The following CCSER2 variants were observed in gnomAD, a reference collection of about 807,000 sequenced individuals.
The protein encoded by CCSER2 is serine-rich coiled-coil domain-containing protein 2.
CCSER2 carries 46 observed loss-of-function variants against 92.3 expected under a neutral mutation model. The ratio of observed to expected loss-of-function variants is 0.50; its 90% CI spans 0.39 to 0.64. CCSER2 has a LOEUF of 0.64. Among genes scored for constraint, CCSER2 ranks in the 30% least tolerant of loss-of-function variants. The pLI, the probability that CCSER2 is intolerant of heterozygous loss-of-function variation, is 0.00. For synonymous variants in CCSER2, 433 were observed against 431.4 expected (o/e 1.00, Z -0.04); for missense variants, 1,244 against 1,238.9 (o/e 1.00, Z -0.06).
At chr10:84,471,155 A>C (rs1028919202) in intron 8 of CCSER2, among the ~76,000 whole-genome samples, 14 of 152,232 alleles carry the variant, frequency 9.2e-5, no homozygotes, top group African/African-American at 3.4e-4. Context: ...AATCTCACTG[A>C]AAATATAAAG....
chr10:84,332,497 G>A (rs1415853604), intron 1 of CCSER2, among the ~76,000 whole-genome samples: 14 of 133,654 alleles, frequency 1.0e-4, no homozygotes, highest in Admixed American at 8.2e-4. Flanking sequence ...GGAGTGCAGC[G>A]GTGCCATCTC....
intron 3 of CCSER2, among the ~76,000 whole-genome samples, chr10:84,374,229 G>T (rs921774795): frequency 6.6e-6 from 1 of 152,114 alleles, no homozygotes; most frequent in Admixed American, 6.5e-5. Flanking sequence ...AGACCACAAT[G>T]AATTATCTAG....
At chr10:84,367,528 C>T (rs1233580340) in intron 1 of CCSER2, among the ~76,000 whole-genome samples, 2 of 151,994 alleles carry the variant, frequency 1.3e-5, no homozygotes, top group East Asian at 3.9e-4. Context: ...AGGTGTGTGC[C>T]ACCATGCCTG....
At chr10:84,367,605 C>G (rs1845844705) in intron 1 of CCSER2, among the ~76,000 whole-genome samples, 1 of 151,970 alleles carries the variant, frequency 6.6e-6, no homozygotes, top group African/African-American at 2.4e-5. Context: ...TCTCACACTC[C>G]TGGTCTCAAG....
At chr10:84,393,226 G>T (rs960203555) in intron 3 of CCSER2, among the ~76,000 whole-genome samples, 6 of 152,180 alleles carry the variant, frequency 3.9e-5, no homozygotes, top group African/African-American at 1.4e-4. Flanking sequence ...CCTGCACAAT[G>T]TGGAAAGCTG....
chr10:84,450,008 A>G (rs1261338992), intron 6 of CCSER2, among the ~76,000 whole-genome samples: 1 of 152,372 alleles, frequency 6.6e-6, no homozygotes, highest in Admixed American at 6.5e-5. Flanking sequence ...CAGTTAATGC[A>G]TGTTAGCAGT....
At chr10:84,418,059 T>C (rs1164885004) in intron 4 of CCSER2, among the ~76,000 whole-genome samples, 198 bp downstream of exon 4, 1 of 152,228 alleles carries the variant, frequency 6.6e-6, no homozygotes, top group African/African-American at 2.4e-5. Context: ...GTCTTAGATA[T>C]AATTCTCTAT....
intron 1 of CCSER2, among the ~76,000 whole-genome samples, chr10:84,365,627 C>T (rs981325922): frequency 3.3e-5 from 5 of 152,174 alleles, no homozygotes; most frequent in Non-Finnish European, 4.4e-5. Flanking sequence ...CTGGTGGAAC[C>T]ACAAACACCA....
intron 3 of CCSER2, chr10:84,374,154 G>A (rs1381802599): frequency 7.6e-6 from 3 of 394,376 alleles, no homozygotes; most frequent in Non-Finnish European, 1.4e-5. Flanking sequence ...ATTGATGAGT[G>A]CTTCTTGGCA....
intron 9 of CCSER2, among the ~76,000 whole-genome samples, chr10:84,503,999 AT>A (rs1218258371): frequency 6.6e-6 from 1 of 152,174 alleles, no homozygotes; most frequent in African/African-American, 2.4e-5. Flanking sequence ...CCCAGTATAC[AT>A]TTACTGAGAG....
chr10:84,338,497 G>T (rs776817495), intron 1 of CCSER2, among the ~76,000 whole-genome samples: 4 of 152,026 alleles, frequency 2.6e-5, no homozygotes, highest in Non-Finnish European at 5.9e-5. Flanking sequence ...GAAAAAAAAT[G>T]CAGGATCTAC....
intron 1 of CCSER2, among the ~76,000 whole-genome samples, chr10:84,357,806 A>C (rs1351574389): frequency 6.6e-6 from 1 of 152,200 alleles, no homozygotes; most frequent in Non-Finnish European, 1.5e-5. Flanking sequence ...CTAGGAGTGC[A>C]AGGTTCATAT....
intron 9 of CCSER2, among the ~76,000 whole-genome samples, chr10:84,503,542 A>G (rs992443105): frequency 1.2e-4 from 19 of 152,340 alleles, no homozygotes; most frequent in Admixed American, 4.6e-4. Flanking sequence ...AAATTTAATA[A>G]AAATAATTGT....
intron 4 of CCSER2, among the ~76,000 whole-genome samples, chr10:84,419,168 A>G (rs1292658532): frequency 6.6e-6 from 1 of 152,190 alleles, no homozygotes; most frequent in African/African-American, 2.4e-5. Flanking sequence ...GGGCTGTGAT[A>G]TTTGTTTAAT....
At chr10:84,485,212 G>C (rs1053968901) in intron 9 of CCSER2, among the ~76,000 whole-genome samples, 2 of 152,170 alleles carry the variant, frequency 1.3e-5, no homozygotes, top group Admixed American at 6.5e-5. Flanking sequence ...ATTGACATTA[G>C]TGATGGTGTG....
chr10:84,388,102 A>G (rs1399914446), intron 3 of CCSER2, among the ~76,000 whole-genome samples: 1 of 152,048 alleles, frequency 6.6e-6, no homozygotes, highest in Non-Finnish European at 1.5e-5. Context: ...TGACCTCGTG[A>G]TCTGCCTGCC....
chr10:84,394,421 G>C (rs1188347312), intron 3 of CCSER2, among the ~76,000 whole-genome samples: 1 of 147,944 alleles, frequency 6.8e-6, no homozygotes, highest in Non-Finnish European at 1.5e-5. Flanking sequence ...GTGTGTGTGT[G>C]TGTTGGGTCA....
At chr10:84,330,438 G>C (rs1843500045) in intron 1 of CCSER2, among the ~76,000 whole-genome samples, 1 of 152,100 alleles carries the variant, frequency 6.6e-6, no homozygotes, top group Admixed American at 6.5e-5. Context: ...TAACTGATTC[G>C]TACACTCTCC....
chr10:84,370,175 T>C (rs1245284064), intron 1 of CCSER2, among the ~76,000 whole-genome samples: 2 of 152,146 alleles, frequency 1.3e-5, no homozygotes, highest in Non-Finnish European at 2.9e-5. Context: ...AAAATGATGT[T>C]GGTATTTCGA....
Sources: gnomAD v4.1 joint callset for allele counts (sites outside exome capture counted in the v4.1 genomes callset) on GRCh38, gnomAD v4.1.1 for gene constraint, MANE v1.5 for transcripts, NCBI Gene and HGNC (gene_info 2026-07-23, HGNC 2026-07-21) for gene names.